SHISA9: variants seen among roughly 807,000 people sequenced by gnomAD.
The protein encoded by SHISA9 is protein shisa-9.
Under a neutral mutation model 38.0 loss-of-function variants are expected in SHISA9, and 13 were observed. That is an observed-to-expected ratio of 0.34 (90% CI 0.22 to 0.54). The LOEUF (loss-of-function observed/expected upper bound fraction) is 0.54, where lower values mean the gene tolerates loss of function less well. Ranked by LOEUF, SHISA9 falls within the 20% of genes least tolerant of loss-of-function variation. SHISA9 has a pLI of 0.91. For synonymous variants in SHISA9, 275 were observed against 242.0 expected (o/e 1.14, Z -1.27); for missense variants, 538 against 575.8 (o/e 0.93, Z 0.67).
At chr16:13,318,417 G>GGTT in the SHISA9 span, among the ~76,000 whole-genome samples, 16 of 152,102 alleles carry the variant, frequency 1.1e-4, no homozygotes, top group Non-Finnish European at 5.9e-5. Context: ...CCACCTCCTG[G>GGTT]GTTCAAGTGA....
intron 2 of SHISA9, among the ~76,000 whole-genome samples, chr16:12,977,120 G>A (rs1453017097): frequency 6.6e-6 from 1 of 152,194 alleles, no homozygotes; most frequent in Non-Finnish European, 1.5e-5. Context: ...AAGAGCCACT[G>A]TGTGACTCAC....
At chr16:13,534,963 G>A in the SHISA9 span, among the ~76,000 whole-genome samples, 15 of 152,122 alleles carry the variant, frequency 9.9e-5, no homozygotes, top group East Asian at 3.9e-4. Flanking sequence ...TCTGCTTCCC[G>A]GCTGGGCACA....
intron 2 of SHISA9, among the ~76,000 whole-genome samples, chr16:13,159,432 G>T (rs1428556496): frequency 6.6e-6 from 1 of 152,142 alleles, no homozygotes; most frequent in East Asian, 1.9e-4. Context: ...AGATGCTCCT[G>T]AGCACAGCTG....
chr16:12,964,035 C>T (rs949802964), intron 2 of SHISA9, among the ~76,000 whole-genome samples: 1 of 152,212 alleles, frequency 6.6e-6, no homozygotes, highest in African/African-American at 2.4e-5. Context: ...CTACTGCTTA[C>T]AGACTAATAA....
the SHISA9 span, among the ~76,000 whole-genome samples, chr16:13,262,716 G>GGAAGGAAA: frequency 1.5e-5 from 2 of 131,954 alleles, no homozygotes; most frequent in Non-Finnish European, 3.3e-5. Context: ...AAGGAAAGAA[G>GGAAGGAAA]GAAGAGGCAG....
At chr16:13,007,892 G>A (rs910656975) in intron 2 of SHISA9, among the ~76,000 whole-genome samples, 9 of 152,162 alleles carry the variant, frequency 5.9e-5, no homozygotes, top group African/African-American at 1.9e-4. Flanking sequence ...AATGGAAGGG[G>A]CAGGGTTTTA....
Position 12,901,904 on chromosome 16 carries a change from TG to T in SHISA9, c.-159del. The stretch of plus-strand genomic sequence containing the variant: ...CGAACGCGGGCTGAGCCGAGCGCAG[TG>T]GCCGCCGACCACCGAGCGCCCCGCG... On this transcript the variant is annotated 5_prime_UTR_variant, in exon 1 of 5. Transcript: ENST00000558583. The T allele has an allele frequency of 2.9e-6, 1 of 347,486 alleles. No homozygotes were observed. The allele number at this position is 347,486 out of a possible 1,614,324, so 21.5% of individuals were successfully genotyped here.
At chr16:12,978,642 G>A (rs1291348111) in intron 2 of SHISA9, among the ~76,000 whole-genome samples, 1 of 152,222 alleles carries the variant, frequency 6.6e-6, no homozygotes, top group East Asian at 1.9e-4. Context: ...CCAAAGGAGT[G>A]TTTTGAAGCA....
chr16:13,083,116 C>A (rs1405901625), intron 2 of SHISA9, among the ~76,000 whole-genome samples: 7 of 152,092 alleles, frequency 4.6e-5, no homozygotes, highest in African/African-American at 1.4e-4. Context: ...GAGGGGCAGC[C>A]AACAGTGGGG....
chr16:13,300,363 C>G, the SHISA9 span, among the ~76,000 whole-genome samples: 1 of 152,106 alleles, frequency 6.6e-6, no homozygotes, highest in Non-Finnish European at 1.5e-5. Flanking sequence ...AACCCTGCTT[C>G]TCCTCATTCC....
At chr16:13,041,645 C>T (rs1385138648) in intron 2 of SHISA9, among the ~76,000 whole-genome samples, 2 of 152,208 alleles carry the variant, frequency 1.3e-5, no homozygotes, top group East Asian at 3.8e-4. Context: ...AGTTTCAAAA[C>T]CACTAATCTG....
At chr16:13,084,154 T>G (rs2073685082) in intron 2 of SHISA9, among the ~76,000 whole-genome samples, 1 of 152,116 alleles carries the variant, frequency 6.6e-6, no homozygotes, top group Admixed American at 6.5e-5. Flanking sequence ...CCCTTTATTT[T>G]AAAAACAAGG....
the SHISA9 span, among the ~76,000 whole-genome samples, chr16:13,527,555 C>A: frequency 1.3e-5 from 2 of 152,138 alleles, no homozygotes; most frequent in Non-Finnish European, 2.9e-5. Context: ...CGTCAGCAGT[C>A]AGTATTTTTC....
At chr16:13,333,099 G>C in the SHISA9 span, among the ~76,000 whole-genome samples, 2 of 152,248 alleles carry the variant, frequency 1.3e-5, no homozygotes, top group South Asian at 2.1e-4. Context: ...AAGGGGGAAA[G>C]GGAATGGTTC....
Position 13,235,752 on chromosome 16 carries a change from A to G in SHISA9, c.*343A>G, listed in dbSNP as rs560162618. Reference sequence around the variant, plus strand: ...TCCTCCTAACTTGAAACTGAAATCCATGGTGACAAAATATAAAAGTAGCAC... The same window carrying G: ...TCCTCCTAACTTGAAACTGAAATCCGTGGTGACAAAATATAAAAGTAGCAC... On this transcript the variant is annotated 3_prime_UTR_variant, in exon 5 of 5. Transcript: ENST00000558583. 53 of 275,580 alleles carry G rather than the reference A, an allele frequency of 1.9e-4. No homozygotes were observed. Among genetic ancestry groups the G allele is most frequent in the Middle Eastern group, 2.3e-3 (2 of 884 alleles). The allele number at this position is 275,580 out of a possible 1,614,324, so 17.1% of individuals were successfully genotyped here.
At chr16:13,153,898 A>G (rs533485513) in intron 2 of SHISA9, among the ~76,000 whole-genome samples, 4 of 150,860 alleles carry the variant, frequency 2.7e-5, no homozygotes, top group African/African-American at 7.3e-5. Flanking sequence ...TGGTTCACCA[A>G]CAAGCACGTG....
chr16:13,147,014 GTGAATGAA>G (rs71147785), intron 2 of SHISA9, among the ~76,000 whole-genome samples: 1 of 152,088 alleles, frequency 6.6e-6, no homozygotes, highest in African/African-American at 2.4e-5. Context: ...GGATGAATGA[GTGAATGAA>G]TGAATGAATG....
At chr16:13,365,112 A>T in the SHISA9 span, among the ~76,000 whole-genome samples, 4 of 152,200 alleles carry the variant, frequency 2.6e-5, no homozygotes, top group Admixed American at 1.3e-4. Context: ...ATTGTGTTCA[A>T]TGCTTTATAT....
chr16:12,910,643 T>C (rs575796182), intron 1 of SHISA9: 2 of 985,502 alleles, frequency 2.0e-6, no homozygotes, highest in East Asian at 2.3e-4. Flanking sequence ...ATTGTTGTTT[T>C]AAACAAACAA....
Sources: gnomAD v4.1 joint callset for allele counts (sites outside exome capture counted in the v4.1 genomes callset) on GRCh38, gnomAD v4.1.1 for gene constraint, MANE v1.5 for transcripts, NCBI Gene and HGNC (gene_info 2026-07-23, HGNC 2026-07-21) for gene names.